The following CCDC102B variants were observed in gnomAD, a reference collection of about 807,000 sequenced individuals.
The protein encoded by CCDC102B is coiled-coil domain containing 102B.
In CCDC102B, 75 loss-of-function variants were observed where a neutral mutation model predicts 57.4. The observed-to-expected ratio is 1.31, with a 90% CI of 1.08 to 1.58. The LOEUF is 1.58. Among genes scored for constraint, CCDC102B ranks in the 40% most tolerant of loss-of-function variants. CCDC102B has a pLI of 0.00. For synonymous variants in CCDC102B, 206 were observed against 201.9 expected (o/e 1.02, Z -0.17); for missense variants, 636 against 582.6 (o/e 1.09, Z -0.94).
At chr18:68,786,860 T>C (rs2144648793) in intron 2 of CCDC102B, among the ~76,000 whole-genome samples, 1 of 152,238 alleles carries the variant, frequency 6.6e-6, no homozygotes, top group South Asian at 2.1e-4. Context: ...ACTTCCAACA[T>C]TATGTTGAAT....
At chr18:68,749,601 G>T (rs1236290455) in intron 2 of CCDC102B, among the ~76,000 whole-genome samples, 1 of 152,124 alleles carries the variant, frequency 6.6e-6, no homozygotes, top group African/African-American at 2.4e-5. Flanking sequence ...GTATAAGAAT[G>T]CTTGTGATTT....
At chr18:68,933,072 A>G (rs909638973) in intron 6 of CCDC102B, among the ~76,000 whole-genome samples, 1 of 149,394 alleles carries the variant, frequency 6.7e-6, no homozygotes, top group Non-Finnish European at 1.5e-5. Flanking sequence ...AAACACTTAA[A>G]TAGTGTTATT....
chr18:68,721,390 C>A (rs1413928550), intron 2 of CCDC102B: 1 of 152,228 alleles, frequency 6.6e-6, no homozygotes, highest in Admixed American at 6.5e-5. Flanking sequence ...TTCCCCTTTA[C>A]TGCCTCTACC....
chr18:69,009,032 A>G (rs1320866701), intron 6 of CCDC102B, among the ~76,000 whole-genome samples: 1 of 152,190 alleles, frequency 6.6e-6, no homozygotes, highest in African/African-American at 2.4e-5. Context: ...CATAATCACA[A>G]CATTTCACAC....
intron 2 of CCDC102B, among the ~76,000 whole-genome samples, chr18:68,772,841 T>C (rs982379016): frequency 1.4e-4 from 22 of 151,962 alleles, no homozygotes; most frequent in African/African-American, 5.1e-4. Flanking sequence ...GAAACCCTTT[T>C]CCAGAGTTCT....
At chr18:68,867,105 A>G (rs1213906482) in intron 4 of CCDC102B, 2 of 178,912 alleles carry the variant, frequency 1.1e-5, no homozygotes, top group Non-Finnish European at 2.4e-5. Context: ...TCTTGTCTCC[A>G]GTCTGGACAA....
At chr18:68,909,151 A>T (rs574803092) in intron 6 of CCDC102B, among the ~76,000 whole-genome samples, 84 of 134,936 alleles carry the variant, frequency 6.2e-4, no homozygotes, top group African/African-American at 1.8e-3. Flanking sequence ...AAGACACAGA[A>T]AAAAAGGAAA....
chr18:68,716,228 G>A (rs1038071760), intron 1 of CCDC102B, among the ~76,000 whole-genome samples: 3 of 151,508 alleles, frequency 2.0e-5, no homozygotes, highest in African/African-American at 7.3e-5. Flanking sequence ...CCATCGCCTC[G>A]ATACTCTTAT....
intron 1 of CCDC102B, among the ~76,000 whole-genome samples, chr18:68,818,518 C>A (rs2036577803): frequency 6.6e-6 from 1 of 152,178 alleles, no homozygotes; most frequent in Non-Finnish European, 1.5e-5. Flanking sequence ...TTCTAGAAGC[C>A]TTCTTCATGC....
chr18:68,827,753 G>A (rs67298251), intron 1 of CCDC102B, among the ~76,000 whole-genome samples: 27,825 of 151,820 alleles, frequency 0.18, 2,732 homozygotes, highest in Non-Finnish European at 0.23. Flanking sequence ...GCATGAGCAA[G>A]TTATATGCTA....
chr18:68,745,357 C>CA (rs2145231525), intron 2 of CCDC102B, among the ~76,000 whole-genome samples: 1 of 152,186 alleles, frequency 6.6e-6, no homozygotes, highest in Admixed American at 6.6e-5. Flanking sequence ...AACTAGGAAG[C>CA]GTATTCTCTC....
At chr18:68,731,134 G>A (rs2145202692) in intron 2 of CCDC102B, among the ~76,000 whole-genome samples, 1 of 152,034 alleles carries the variant, frequency 6.6e-6, no homozygotes, top group East Asian at 1.9e-4. Context: ...CTACAGACAT[G>A]CGCCACCACC....
chr18:69,013,487 A>G (rs78075176), intron 7 of CCDC102B, among the ~76,000 whole-genome samples: 3,927 of 152,340 alleles, frequency 0.026, 113 homozygotes, highest in East Asian at 0.12. Flanking sequence ...CAATATATCC[A>G]TGTAACAAAA....
intron 6 of CCDC102B, among the ~76,000 whole-genome samples, chr18:68,937,262 A>G (rs1028243636): frequency 2.0e-5 from 3 of 152,020 alleles, no homozygotes; most frequent in Non-Finnish European, 2.9e-5. Context: ...TTTTAAACAG[A>G]TAAATTACCA....
chr18:69,055,492 C>T (rs72962031), downstream of CCDC102B, among the ~76,000 whole-genome samples: 5,048 of 152,154 alleles, frequency 0.033, 139 homozygotes, highest in East Asian at 0.15. Context: ...CATCATATCC[C>T]CTGTCAACCA....
chr18:68,777,258 CAGT>C (rs1483148746), intron 2 of CCDC102B, among the ~76,000 whole-genome samples: 1 of 152,156 alleles, frequency 6.6e-6, no homozygotes, highest in Non-Finnish European at 1.5e-5. Context: ...TCTTTCTTCT[CAGT>C]AGGTGAATTG....
intron 2 of CCDC102B, among the ~76,000 whole-genome samples, chr18:68,781,644 T>A (rs954912752): frequency 2.0e-5 from 3 of 152,150 alleles, no homozygotes; most frequent in African/African-American, 4.8e-5. Context: ...TGAAAGCCAA[T>A]GTGATAAATA....
chr18:68,897,616 TC>T (rs2040292073), intron 6 of CCDC102B, 188 bp downstream of exon 6: 1 of 1,541,336 alleles, frequency 6.5e-7, no homozygotes, highest in Admixed American at 1.9e-5. Context: ...ACAAAGTGTG[TC>T]AAATGTTAAA....
chr18:68,997,229 T>A (rs941761104), intron 6 of CCDC102B, among the ~76,000 whole-genome samples: 1 of 152,096 alleles, frequency 6.6e-6, no homozygotes, highest in Admixed American at 6.6e-5. Context: ...TTTATCGGAG[T>A]GTGAAAATGG....
Sources: allele counts gnomAD v4.1 joint callset (sites outside exome capture counted in the v4.1 genomes callset), GRCh38; gene constraint gnomAD v4.1.1; transcripts MANE v1.5; gene names NCBI Gene and HGNC (gene_info 2026-07-23, HGNC 2026-07-21).